Variants in SPG11 observed in about 807,000 individuals in gnomAD.
SPG11 encodes spatacsin.
Under a neutral mutation model 274.0 loss-of-function variants are expected in SPG11, and 222 were observed. That is an observed-to-expected ratio of 0.81 (90% CI 0.73 to 0.91). The LOEUF (loss-of-function observed/expected upper bound fraction) is 0.91, where lower values mean the gene tolerates loss of function less well. SPG11 is among the 40% of genes least tolerant of loss of function. The pLI is 0.00. For missense variants in SPG11, 3,114 were observed against 2,872.7 expected, an observed-to-expected ratio of 1.08 and a Z score of -1.92; for synonymous variants, 1,144 against 1,039.7, an observed-to-expected ratio of 1.10 and a Z score of -1.93.
chr15:44,633,758 G>A, intron 7 of SPG11, 121 bp from the exon 8 acceptor site: 1 of 979,976 alleles, frequency 1.0e-6, no homozygotes, highest in South Asian at 1.4e-5. Flanking sequence ...GCAAAAGACT[G>A]CATGAGTACA....
chr15:44,569,630 G>A (rs1264935852), intron 34 of SPG11, 125 bp from the exon 35 acceptor site: 2 of 753,402 alleles, frequency 2.7e-6, no homozygotes, highest in Non-Finnish European at 2.3e-6. Context: ...TAATTTCCAG[G>A]CTACCATGCT....
intron 4 of SPG11, among the ~76,000 whole-genome samples, chr15:44,656,394 C>A (rs974604955): frequency 1.3e-5 from 2 of 152,114 alleles, no homozygotes; most frequent in Non-Finnish European, 2.9e-5. Flanking sequence ...AGGGCAGGAG[C>A]AAGAGTTTAG....
At position 44,657,076 on chromosome 15, in the gene SPG11, A is replaced by G; in HGVS notation, c.869+19T>C. 1 of 1,610,252 alleles carries G rather than the reference A, an allele frequency of 6.2e-7. No homozygotes were observed. Among genetic ancestry groups the G allele is most frequent in the Non-Finnish European group, 8.5e-7 (1 of 1,177,230 alleles). On this transcript the variant is annotated intron_variant, in intron 4 of 39. Transcript: ENST00000261866. ...TCTAACTATTTACCTCAAATTAGAA[A>G]CTGCAGTCATCTACATACCTGAAAT...
rs141938000 is a variant in SPG11 at position 44,586,570 on chromosome 15, G to A, written c.4907-720C>T. Among the ~76,000 whole-genome samples, 1,169 of 152,212 alleles carry A rather than the reference G, an allele frequency of 7.7e-3. 19 individuals are homozygous for A. The highest frequency in any genetic ancestry group is 0.026 in the African/African-American group (1,085 of 41,524). On this transcript the variant is annotated intron_variant, in intron 28 of 39. Transcript: ENST00000261866. ...GAGGCAGGATAATCACTTGAACCTGGGAGGCGGAGGTTGAAGTGAGCCGAG... is the reference window on the plus strand; with the variant it reads ...GAGGCAGGATAATCACTTGAACCTGAGAGGCGGAGGTTGAAGTGAGCCGAG...
chr15:44,602,517 T>G (rs2083220504), intron 20 of SPG11, among the ~76,000 whole-genome samples: 1 of 151,968 alleles, frequency 6.6e-6, no homozygotes, highest in Admixed American at 6.6e-5. Context: ...CTTGCTCTGT[T>G]GCCCAGGCTG....
At position 44,620,257 on chromosome 15, in the gene SPG11, C is replaced by G. The variant is rs910680613; in HGVS notation, c.2767G>C (p.Asp923His). 3 of 1,613,864 alleles carry G rather than the reference C, an allele frequency of 1.9e-6. No individual in the cohort carries two copies. In the African/African-American group the frequency reaches 4.0e-5, roughly 22 times the overall value. Reference protein sequence around the residue: ...QQNKWPLLTVDVINQNTSCNN... With the variant: ...QQNKWPLLTVHVINQNTSCNN... ...CAGGAAGTATTCTGGTTAATAACAT[C>G]AACAGTCAGAAGGGGCCATTTGTTC... The change falls in exon 15 of 40, where the codon GAT becomes CAT. Residue 923 changes from aspartate to histidine, a missense_variant. Asp to His is a moderately conservative substitution (Grantham distance 81). Transcript: ENST00000261866.
chr15:44,626,595 C>T, intron 10 of SPG11, 88 bp from the exon 11 acceptor site: 8 of 1,330,314 alleles, frequency 6.0e-6, no homozygotes, highest in Non-Finnish European at 8.4e-6. Context: ...TATGTAACAT[C>T]TAACAAAGGA....
At chr15:44,607,237 C>A (rs923305177) in intron 19 of SPG11, among the ~76,000 whole-genome samples, 1 of 152,172 alleles carries the variant, frequency 6.6e-6, no homozygotes, top group African/African-American at 2.4e-5. Flanking sequence ...CAGTCAATAC[C>A]CTAAGAAGTC....
At position 44,592,414 on chromosome 15, in the gene SPG11, C is replaced by T; in HGVS notation, c.4660G>A (p.Glu1554Lys). The T allele has an allele frequency of 1.2e-6, 2 of 1,606,006 alleles. No individual in the cohort carries two copies. The highest frequency in any genetic ancestry group is 4.5e-5 in the East Asian group (2 of 44,858). Residue 1554 changes from glutamate to lysine, a missense_variant, in exon 27 of 40, where the codon GAG (glutamate) becomes AAG (lysine). By Grantham distance (56) the Glu-to-Lys change is moderately conservative. Transcript: ENST00000261866. The stretch of plus-strand genomic sequence containing the variant: ...AAGAACATACACAGTTCATACATCT[C>T]CATCACCAGTAGTAACGGGGAATCC... ...FKDSPLLLVM[E>K]MYELCMFFRN...
intron 30 of SPG11, among the ~76,000 whole-genome samples, chr15:44,576,207 AG>A (rs1267478555): frequency 6.7e-6 from 1 of 148,876 alleles, no homozygotes; most frequent in Non-Finnish European, 1.5e-5. Flanking sequence ...AATTTGATAA[AG>A]GGTTTCTATT....
At chr15:44,575,937 G>A (rs1194830769) in intron 30 of SPG11, among the ~76,000 whole-genome samples, 1 of 151,890 alleles carries the variant, frequency 6.6e-6, no homozygotes, top group Non-Finnish European at 1.5e-5. Context: ...GAGGTCAGGA[G>A]TTCGAGACCA....
Position 44,596,912 on chromosome 15 carries a change from A to C in SPG11, c.4033T>G (p.Leu1345Val). ...TGTAGCCTGCAGAACTGCACCACTA[A>C]TGCCCATTGGCTGCTAGATTCACTG... Reference protein sequence around the residue: ...LSSESSSQWALVVQFCRLHNM... With the variant: ...LSSESSSQWAVVVQFCRLHNM... The change falls in exon 24 of 40, where the codon TTA becomes GTA. Residue 1345 changes from leucine to valine, a missense_variant. Physicochemically the swap from Leu to Val is conservative, Grantham distance 32 (BLOSUM62 1). Transcript: ENST00000261866. 1 of 1,613,990 alleles carries C rather than the reference A, an allele frequency of 6.2e-7. No individual in the cohort carries two copies. The highest frequency in any genetic ancestry group is 8.5e-7 in the Non-Finnish European group (1 of 1,179,976).
chr15:44,583,961 C>A lies in SPG11; in HGVS notation c.5719G>T (p.Asp1907Tyr), dbSNP rs758187931. The change falls in exon 30 of 40, where the codon GAT (aspartate) becomes TAT (tyrosine). Residue 1907 changes from aspartate (D) to tyrosine (Y), a missense_variant. Physicochemically the swap from Asp to Tyr is radical, Grantham distance 160. Coordinates refer to ENST00000261866, the MANE Select transcript of SPG11 (RefSeq NM_025137.4). ...CTGCAGTGCAATACCAAGGCGACAT[C>A]TGGATTATAAAAATGAAAATACCGG... ...VCRYFHFYNP[D>Y]VALVLHCRAL... 2 of 1,614,088 alleles carry A rather than the reference C, an allele frequency of 1.2e-6. No individual in the cohort carries two copies. The highest frequency in any genetic ancestry group is 2.2e-5 in the South Asian group (2 of 91,090).
At chr15:44,619,756 T>C in intron 15 of SPG11, among the ~76,000 whole-genome samples, 2 of 147,992 alleles carry the variant, frequency 1.4e-5, no homozygotes, top group African/African-American at 2.5e-5. Context: ...AGAGTCTCAC[T>C]CTGTTGCCCA....
intron 4 of SPG11, 86 bp from the exon 5 acceptor site, chr15:44,652,352 G>C (rs1334524275): frequency 1.2e-5 from 17 of 1,403,328 alleles, no homozygotes; most frequent in Non-Finnish European, 1.6e-5. Flanking sequence ...AAAAATAAGA[G>C]ATTACAGAGA....
At position 44,606,059 on chromosome 15, in the gene SPG11, A is replaced by G. The variant is rs139532029; in HGVS notation, c.3486T>C (p.Phe1162=). ...CTAGTGTGTTAGCAGACTGCCAGCC[A>G]AACAATCTGCTAGGATCAAAGGGTG... The part of the protein sequence containing the change: ...SLSPFDPSRL[F]GWQSANTLAI... Residue 1162 remains phenylalanine (F), a synonymous_variant, in exon 20 of 40, where the codon TTT becomes TTC. Coordinates refer to ENST00000261866, the MANE Select transcript of SPG11 (RefSeq NM_025137.4). 953 of 1,613,796 alleles carry G rather than the reference A, an allele frequency of 5.9e-4. No homozygotes were observed. The highest frequency in any genetic ancestry group is 7.7e-4 in the Non-Finnish European group (904 of 1,179,800).
intron 6 of SPG11, among the ~76,000 whole-genome samples, chr15:44,650,550 A>T (rs932755424): frequency 1.3e-5 from 2 of 149,926 alleles, no homozygotes; most frequent in African/African-American, 4.9e-5. Context: ...GCTACTCTGG[A>T]GGGAGGTGGA....
At chr15:44,638,101 A>G (rs2141070131) in intron 7 of SPG11, among the ~76,000 whole-genome samples, 1 of 152,368 alleles carries the variant, frequency 6.6e-6, no homozygotes, top group East Asian at 1.9e-4. Flanking sequence ...AATAACATGA[A>G]TAGGCTATGA....
intron 7 of SPG11, among the ~76,000 whole-genome samples, chr15:44,641,407 C>T (rs962794673): frequency 6.6e-6 from 1 of 151,762 alleles, no homozygotes; most frequent in Non-Finnish European, 1.5e-5. Context: ...AAAGATTCCA[C>T]GAATTAAGTA....
Sources: gnomAD v4.1 joint callset for allele counts (sites outside exome capture counted in the v4.1 genomes callset) on GRCh38, gnomAD v4.1.1 for gene constraint, MANE v1.5 for transcripts, NCBI Gene and HGNC (gene_info 2026-07-23, HGNC 2026-07-21) for gene names.